LINGO2: variants seen among roughly 807,000 people sequenced by gnomAD.
LINGO2 encodes leucine rich repeat and Ig domain containing 2, also known as leucine-rich repeat and immunoglobulin-like domain-containing nogo receptor-interacting protein 2.
LINGO2 carries 14 observed loss-of-function variants against 30.6 expected under a neutral mutation model. The observed-to-expected ratio is 0.46, with a 90% CI of 0.30 to 0.72. LINGO2 has a LOEUF of 0.72. LINGO2 is among the 30% of genes least tolerant of loss of function. The pLI is 0.07. For synonymous variants in LINGO2, 317 were observed against 288.5 expected (o/e 1.10, Z -1.00); for missense variants, 729 against 751.7 (o/e 0.97, Z 0.35).
chr9:28,756,888 C>A, the LINGO2 span, among the ~76,000 whole-genome samples: 1 of 151,638 alleles, frequency 6.6e-6, no homozygotes, highest in African/African-American at 2.4e-5. Flanking sequence ...AATAAATAAC[C>A]TAGTCTTAGG....
the LINGO2 span, among the ~76,000 whole-genome samples, chr9:29,175,026 C>T: frequency 1.3e-5 from 2 of 151,914 alleles, no homozygotes; most frequent in African/African-American, 2.4e-5. Flanking sequence ...TTTGGGAGGC[C>T]GATGTGAGGG....
chr9:28,581,156 G>A (rs533466409), intron 1 of LINGO2, among the ~76,000 whole-genome samples: 2 of 152,046 alleles, frequency 1.3e-5, no homozygotes, highest in South Asian at 2.1e-4. Context: ...AACTTTAGAT[G>A]TTTTGCTATT....
intron 2 of LINGO2, among the ~76,000 whole-genome samples, chr9:28,431,192 T>C (rs1001799252): frequency 6.6e-6 from 1 of 152,180 alleles, no homozygotes; most frequent in African/African-American, 2.4e-5. Flanking sequence ...GAAGTGATTA[T>C]AGAGAACATA....
the LINGO2 span, among the ~76,000 whole-genome samples, chr9:29,061,781 G>A: frequency 6.6e-6 from 1 of 151,962 alleles, no homozygotes; most frequent in African/African-American, 2.4e-5. Flanking sequence ...GGATTTCTTG[G>A]ATATGACACC....
chr9:29,155,543 T>C, the LINGO2 span, among the ~76,000 whole-genome samples: 1 of 145,746 alleles, frequency 6.9e-6, no homozygotes, highest in Non-Finnish European at 1.5e-5. Flanking sequence ...TTTAGAAAAC[T>C]GTGAGGGTTT....
chr9:28,507,482 A>G (rs1334193656), intron 1 of LINGO2, among the ~76,000 whole-genome samples: 1 of 152,068 alleles, frequency 6.6e-6, no homozygotes, highest in African/African-American at 2.4e-5. Flanking sequence ...TTAGATATTT[A>G]ATAGACATCT....
chr9:28,045,786 A>C (rs2133022016), intron 4 of LINGO2, among the ~76,000 whole-genome samples: 1 of 152,304 alleles, frequency 6.6e-6, no homozygotes, highest in East Asian at 1.9e-4. Context: ...AAGCCAAATG[A>C]ACTTACAGCG....
At chr9:28,006,597 G>A (rs1178607645) in intron 5 of LINGO2, among the ~76,000 whole-genome samples, 2 of 152,096 alleles carry the variant, frequency 1.3e-5, no homozygotes, top group African/African-American at 4.8e-5. Flanking sequence ...TTTTAATCAT[G>A]AACTCAATGA....
chr9:28,040,082 T>C (rs1295489701), intron 4 of LINGO2, among the ~76,000 whole-genome samples: 3 of 152,236 alleles, frequency 2.0e-5, no homozygotes, highest in East Asian at 1.9e-4. Context: ...ATTTTCCTTC[T>C]TTCACTGCAT....
chr9:28,302,990 C>T (rs374556630), intron 3 of LINGO2, among the ~76,000 whole-genome samples: 20 of 152,102 alleles, frequency 1.3e-4, no homozygotes, highest in African/African-American at 4.6e-4. Flanking sequence ...AGGTCTTACG[C>T]TTTCTAGCAC....
intron 4 of LINGO2, 130 bp downstream of exon 6, chr9:28,295,078 A>G (rs1000136801): frequency 2.6e-5 from 4 of 152,240 alleles, no homozygotes; most frequent in Non-Finnish European, 5.9e-5. Flanking sequence ...AGGGAGCCCC[A>G]TTCTTTAACA....
At chr9:28,274,812 C>A (rs930664820) in intron 4 of LINGO2, among the ~76,000 whole-genome samples, 1 of 152,168 alleles carries the variant, frequency 6.6e-6, no homozygotes, top group African/African-American at 2.4e-5. Flanking sequence ...CCAGTTACTA[C>A]TGGTACCTTT....
At chr9:28,380,628 G>T (rs1821316946) in intron 2 of LINGO2, among the ~76,000 whole-genome samples, 1 of 151,994 alleles carries the variant, frequency 6.6e-6, no homozygotes. Flanking sequence ...CCATATCGTG[G>T]AGGTCATTCA....
chr9:28,814,852 G>A, the LINGO2 span, among the ~76,000 whole-genome samples: 1 of 152,134 alleles, frequency 6.6e-6, no homozygotes, highest in Non-Finnish European at 1.5e-5. Context: ...ATTAGTGGTT[G>A]TAGAAACTCA....
At chr9:28,088,409 T>C (rs1000848687) in intron 4 of LINGO2, among the ~76,000 whole-genome samples, 2 of 152,142 alleles carry the variant, frequency 1.3e-5, no homozygotes, top group Admixed American at 1.3e-4. Flanking sequence ...ACTACCCTGA[T>C]AAAAGCAAAA....
the LINGO2 span, among the ~76,000 whole-genome samples, chr9:29,156,406 A>C: frequency 1.3e-5 from 2 of 152,110 alleles, no homozygotes; most frequent in Non-Finnish European, 2.9e-5. Flanking sequence ...TTCATATTAT[A>C]GCAGTCAATC....
chr9:28,552,605 A>G (rs965837846), intron 1 of LINGO2, among the ~76,000 whole-genome samples: 2 of 151,804 alleles, frequency 1.3e-5, no homozygotes, highest in Admixed American at 6.6e-5. Flanking sequence ...TCTATTCATT[A>G]TAAAAGCATA....
At chr9:28,244,818 C>T (rs1307322200) in intron 4 of LINGO2, among the ~76,000 whole-genome samples, 1 of 52,448 alleles carries the variant, frequency 1.9e-5, no homozygotes, top group East Asian at 7.0e-4. Flanking sequence ...AGTATGCCAA[C>T]CAAAAAAAAA....
chr9:28,994,750 G>C, the LINGO2 span, among the ~76,000 whole-genome samples: 2 of 152,138 alleles, frequency 1.3e-5, no homozygotes, highest in Admixed American at 1.3e-4. Flanking sequence ...ACAAACCTGA[G>C]AAAAACAAGC....
Sources: gnomAD v4.1 joint callset for allele counts (sites outside exome capture counted in the v4.1 genomes callset) on GRCh38, gnomAD v4.1.1 for gene constraint, MANE v1.5 for transcripts, NCBI Gene and HGNC (gene_info 2026-07-23, HGNC 2026-07-21) for gene names.